Variants in MAD1L1 observed in about 807,000 individuals in gnomAD.
The protein encoded by MAD1L1 is mitotic spindle assembly checkpoint protein MAD1.
A neutral mutation model predicts 96.9 loss-of-function variants in MAD1L1; 95 were observed. The ratio of observed to expected loss-of-function variants is 0.98; its 90% confidence interval spans 0.83 to 1.16. The LOEUF (loss-of-function observed/expected upper bound fraction) is 1.16, where lower values mean the gene tolerates loss of function less well. Among genes scored for constraint, MAD1L1 ranks in the 50% most tolerant of loss-of-function variants. The pLI, the probability that MAD1L1 is intolerant of heterozygous loss-of-function variation, is 0.00. For synonymous variants in MAD1L1, 473 were observed against 396.6 expected, an observed-to-expected ratio of 1.19 and a Z score of -2.29; for missense variants, 1,007 against 954.4, an observed-to-expected ratio of 1.06 and a Z score of -0.73.
intron 15 of MAD1L1, among the ~76,000 whole-genome samples, chr7:1,976,051 C>G (rs1780622978): frequency 6.6e-6 from 1 of 152,264 alleles, no homozygotes; most frequent in Non-Finnish European, 1.5e-5. Context: ...CACCGACGCT[C>G]TCTCTAGCTT....
intron 11 of MAD1L1, among the ~76,000 whole-genome samples, chr7:2,137,005 G>A (rs1007983666): frequency 1.3e-5 from 2 of 152,212 alleles, no homozygotes; most frequent in Non-Finnish European, 2.9e-5. Context: ...GGGCATGAGA[G>A]AGGAGGCCTC....
At position 1,896,109 on chromosome 7, in the gene MAD1L1, C is replaced by G. The variant is rs371332524; in HGVS notation, c.1998+2091G>C. Among the ~76,000 whole-genome samples the G allele has an allele frequency of 2.0e-4, 31 of 152,206 alleles. 2 individuals are homozygous for G. The highest frequency in any genetic ancestry group is 1.1e-3 in the Admixed American group (17 of 15,290). Reference sequence around the variant, plus strand: ...AGCAGGGCTGGGGAGCTGGCCAGCTCCTGGGCTCTCTGTCCGCCTGCCTCC... The same window carrying G: ...AGCAGGGCTGGGGAGCTGGCCAGCTGCTGGGCTCTCTGTCCGCCTGCCTCC... On this transcript the variant is annotated intron_variant, in intron 18 of 18. Transcript: ENST00000265854.
intron 18 of MAD1L1, chr7:1,845,673 G>A (rs966835759): frequency 4.0e-5 from 6 of 151,410 alleles, no homozygotes; most frequent in Non-Finnish European, 7.4e-5. Context: ...GCAGACACGC[G>A]TCCCGCTCTG....
intron 11 of MAD1L1, among the ~76,000 whole-genome samples, chr7:2,080,409 C>T (rs186380587): frequency 1.3e-5 from 2 of 152,306 alleles, no homozygotes; most frequent in South Asian, 2.1e-4. Context: ...TGAGGCCGGG[C>T]GACTGCATGT....
chr7:2,065,398 G>GT (rs1348364286), intron 12 of MAD1L1, among the ~76,000 whole-genome samples: 2 of 152,200 alleles, frequency 1.3e-5, no homozygotes, highest in Admixed American at 1.3e-4. Flanking sequence ...GCCCAGCCAC[G>GT]TTGGTTTTGA....
At chr7:2,198,102 G>A (rs1214008600) in intron 10 of MAD1L1, among the ~76,000 whole-genome samples, 5 of 150,030 alleles carry the variant, frequency 3.3e-5, no homozygotes, top group South Asian at 4.2e-4. Flanking sequence ...TTTTTTTTTG[G>A]AGGAAGGGTT....
intron 18 of MAD1L1, among the ~76,000 whole-genome samples, chr7:1,863,499 C>A (rs1784629409): frequency 6.6e-6 from 1 of 152,256 alleles, no homozygotes. Context: ...CAAGCCCCCG[C>A]ACAGCACGGC....
intron 15 of MAD1L1, among the ~76,000 whole-genome samples, chr7:1,979,861 C>T (rs563927592): frequency 1.3e-5 from 2 of 152,342 alleles, no homozygotes; most frequent in African/African-American, 2.4e-5. Flanking sequence ...GCTCCAGCGC[C>T]GCCCCCTGAT....
chr7:1,832,630 T>TTTTGGGGGGGGGGGGG (rs56664541), intron 18 of MAD1L1, among the ~76,000 whole-genome samples: 1 of 2,346 alleles, frequency 4.3e-4, no homozygotes, highest in African/African-American at 1.8e-3. Context: ...TTTTTTTTTT[T>TTTTGGGGGGGGGGGGG]GGCGGGGGGG....
At chr7:1,852,995 G>C (rs1562458960) in intron 18 of MAD1L1, among the ~76,000 whole-genome samples, 1 of 152,220 alleles carries the variant, frequency 6.6e-6, no homozygotes, top group Non-Finnish European at 1.5e-5. Flanking sequence ...TCACAGCGCA[G>C]GGCGGCCGAG....
chr7:2,160,913 A>G (rs1025425116), intron 10 of MAD1L1, among the ~76,000 whole-genome samples: 16 of 152,346 alleles, frequency 1.1e-4, no homozygotes, highest in African/African-American at 3.8e-4. Context: ...AAATTTTATA[A>G]AAAGAAAAAT....
chr7:1,951,911 T>C (rs751036223), intron 16 of MAD1L1, among the ~76,000 whole-genome samples: 1 of 152,162 alleles, frequency 6.6e-6, no homozygotes, highest in Non-Finnish European at 1.5e-5. Context: ...TGGGTGCCCG[T>C]ATCCATGAGT....
At chr7:1,857,834 C>A (rs1466628452) in intron 18 of MAD1L1, among the ~76,000 whole-genome samples, 2 of 152,202 alleles carry the variant, frequency 1.3e-5, no homozygotes, top group African/African-American at 4.8e-5. Flanking sequence ...TCTTTCTCAT[C>A]CACTCAGTCC....
chr7:2,132,307 G>C (rs1264950300), intron 11 of MAD1L1, among the ~76,000 whole-genome samples: 1 of 152,212 alleles, frequency 6.6e-6, no homozygotes, highest in East Asian at 1.9e-4. Flanking sequence ...GTCCACAGTG[G>C]ACACGTGGGC....
At chr7:1,935,723 G>A (rs978814568) in intron 17 of MAD1L1, among the ~76,000 whole-genome samples, 3 of 152,330 alleles carry the variant, frequency 2.0e-5, no homozygotes, top group Non-Finnish European at 2.9e-5. Context: ...CAAGTAGGTG[G>A]GAAGAAACAG....
intron 10 of MAD1L1, among the ~76,000 whole-genome samples, chr7:2,182,364 G>A (rs1421233873): frequency 6.6e-6 from 1 of 151,836 alleles, no homozygotes; most frequent in Non-Finnish European, 1.5e-5. Context: ...AAAATTCAGA[G>A]AAACCGGAAT....
Position 2,002,107 on chromosome 7 carries a change from C to G in MAD1L1, c.1374G>C (p.Gln458His). 6.2e-7 allele frequency: 1 copy of G among 1,613,200 alleles called. No homozygotes were observed. Among genetic ancestry groups the G allele is most frequent in the Non-Finnish European group, 8.5e-7 (1 of 1,180,020 alleles). Reference protein sequence around the residue: ...HSAEMEAQLSQALEELGGQKQ... With the variant: ...HSAEMEAQLSHALEELGGQKQ... ...TCTGGCCTCCCAGCTCCTCCAGGGC[C>G]TGCGACAGCTGAGCCTGCAAGACAA... The change falls in exon 14 of 19, where the codon CAG (glutamine) becomes CAC (histidine). Residue 458 changes from glutamine (Q) to histidine (H), a missense_variant. Physicochemically the swap from Gln to His is conservative, Grantham distance 24 (BLOSUM62 0). Transcript: ENST00000265854.
chr7:1,870,533 CGCTG>C (rs1785007428), intron 18 of MAD1L1, among the ~76,000 whole-genome samples: 1 of 139,642 alleles, frequency 7.2e-6, no homozygotes. Flanking sequence ...AAGCCTGCCA[CGCTG>C]AACCGACCAT....
intron 10 of MAD1L1, among the ~76,000 whole-genome samples, chr7:2,178,547 G>A (rs1791046719): frequency 6.6e-6 from 1 of 152,188 alleles, no homozygotes; most frequent in Admixed American, 6.5e-5. Flanking sequence ...TCACCCAAAT[G>A]TACAGGTAGA....
Sources: gnomAD v4.1 joint callset for allele counts (sites outside exome capture counted in the v4.1 genomes callset) on GRCh38, gnomAD v4.1.1 for gene constraint, MANE v1.5 for transcripts, NCBI Gene and HGNC (gene_info 2026-07-23, HGNC 2026-07-21) for gene names.